Variants in CHCHD5 observed in about 807,000 individuals in gnomAD.
The protein encoded by CHCHD5 is coiled-coil-helix-coiled-coil-helix domain containing 5.
Under a neutral mutation model 16.0 loss-of-function variants are expected in CHCHD5, and 10 were observed. The ratio of observed to expected loss-of-function variants is 0.63; its 90% CI spans 0.39 to 1.06. The LOEUF is 1.06. Ranked by LOEUF, CHCHD5 falls within the 50% of genes least tolerant of loss-of-function variation. The pLI is 0.01. For synonymous variants in CHCHD5, 55 were observed against 56.3 expected, an observed-to-expected ratio of 0.98 and a Z score of 0.10; for missense variants, 163 against 153.4, an observed-to-expected ratio of 1.06 and a Z score of -0.33.
chr2:112,586,742 C>T, intron 3 of CHCHD5: 1 of 763,364 alleles, frequency 1.3e-6, no homozygotes, highest in Non-Finnish European at 2.0e-6. Context: ...CAGGTCCTTG[C>T]TGGGTTCTCT....
intron 1 of CHCHD5, 24 bp downstream of exon 1, chr2:112,584,673 C>A (rs748321651): frequency 6.2e-7 from 1 of 1,613,830 alleles, no homozygotes; most frequent in South Asian, 1.1e-5. Context: ...GCGCCTACCC[C>A]ATACGTGCTG....
At chr2:112,588,654 C>T in intron 3 of CHCHD5, 1 of 556,606 alleles carries the variant, frequency 1.8e-6, no homozygotes, top group Non-Finnish European at 3.2e-6. Flanking sequence ...GGCAGGTGCT[C>T]AGTAAATATA....
Position 112,586,347 on chromosome 2 carries a change from C to T in CHCHD5, c.291C>T (p.Arg97=). The change falls in exon 3 of 4, where the codon CGC becomes CGT. Residue 97 remains arginine (R), a synonymous_variant. Coordinates refer to ENST00000324913, the MANE Select transcript of CHCHD5 (RefSeq NM_032309.4). ...LQCAEQVQPP[R]SPATVEAQPL... ...GCGCTGAGCAGGTGCAGCCGCCACG[C>T]TCACCTGCAACTGTGGAGGTAAGAG... The T allele has an allele frequency of 6.2e-7, 1 of 1,614,248 alleles. No individual in the cohort carries two copies. Among genetic ancestry groups the T allele is most frequent in the East Asian group, 2.2e-5 (1 of 44,894 alleles).
intron 3 of CHCHD5, chr2:112,586,790 T>G: frequency 1.9e-6 from 1 of 540,250 alleles, no homozygotes; most frequent in South Asian, 3.0e-5. Flanking sequence ...GCCTCCTGCC[T>G]CACCCTCTCT....
chr2:112,586,354 G>A lies in CHCHD5; in HGVS notation c.298G>A (p.Ala100Thr). Residue 100 changes from alanine (A) to threonine (T), a missense_variant, in exon 3 of 4, where the codon GCA becomes ACA. Physicochemically the swap from Ala to Thr is moderately conservative, Grantham distance 58. Transcript: ENST00000324913. ...AEQVQPPRSP[A>T]TVEAQPLPAS is the part of the protein sequence containing the mutation. Reference sequence around the variant, plus strand: ...GCAGGTGCAGCCGCCACGCTCACCTGCAACTGTGGAGGTAAGAGGGGCTCA... The same window carrying A: ...GCAGGTGCAGCCGCCACGCTCACCTACAACTGTGGAGGTAAGAGGGGCTCA... The A allele has an allele frequency of 6.2e-7, 1 of 1,614,226 alleles. No individual in the cohort carries two copies. The highest frequency in any genetic ancestry group is 8.5e-7 in the Non-Finnish European group (1 of 1,180,038).
chr2:112,587,759 C>G (rs1180064337), intron 3 of CHCHD5: 1 of 152,238 alleles, frequency 6.6e-6, no homozygotes, highest in African/African-American at 2.4e-5. Flanking sequence ...CCGGAAGGAA[C>G]TTAATTCTCC....
Position 112,586,040 on chromosome 2 carries a change from G to A in CHCHD5, c.69G>A (p.Val23=), listed in dbSNP as rs1363026255. 2.5e-6 allele frequency: 4 copies of A among 1,614,142 alleles called. No homozygotes were observed. The African/African-American group carries it at 4.0e-5, about 16-fold the overall frequency. Residue 23 remains valine, a synonymous_variant, in exon 2 of 4, where the codon GTG becomes GTA. Coordinates refer to ENST00000324913, the MANE Select transcript of CHCHD5 (RefSeq NM_032309.4). ...AGCTGGAGCAGTATGGCCAGTGTGT[G>A]GCGGCCAAGCCGGAATCCTGGCAGC... ...GRELEQYGQC[V]AAKPESWQRD... is the part of the protein sequence containing the mutation.
rs1300588106 is a variant in CHCHD5, at chr2:112,586,112, C to G, written c.141C>G (p.Ser47=). The G allele has an allele frequency of 6.2e-7, 1 of 1,614,118 alleles. No homozygotes were observed. Among genetic ancestry groups the G allele is most frequent in the East Asian group, 2.2e-5 (1 of 44,864 alleles). Reference sequence around the variant, plus strand: ...TGAGCATTGCCCAGTGCACATCCTCCCAGTGAGTGCGGGCAAGTATGAGAC... The same window carrying G: ...TGAGCATTGCCCAGTGCACATCCTCGCAGTGAGTGCGGGCAAGTATGAGAC... ...LKMSIAQCTS[S]HPIIRQIRQA... is the part of the protein sequence containing the mutation. Residue 47 remains serine (S), a splice_region_variant and synonymous_variant, in exon 2 of 4, where the codon TCC becomes TCG. Coordinates refer to ENST00000324913, the MANE Select transcript of CHCHD5 (RefSeq NM_032309.4).
At chr2:112,584,602 G>C, upstream of CHCHD5, 1 of 1,611,842 alleles carries the variant, frequency 6.2e-7, no homozygotes, top group Non-Finnish European at 8.5e-7. Flanking sequence ...ACCGGAAAAG[G>C]CGGGTCGTTC....
chr2:112,586,142 T>TG, intron 2 of CHCHD5, 28 bp downstream of exon 2: 1 of 1,401,898 alleles, frequency 7.1e-7, no homozygotes, highest in Middle Eastern at 1.8e-4. Context: ...TGAGACAGTG[T>TG]GGGGGGTGGG....
chr2:112,584,501 T>A (rs548716501), upstream of CHCHD5: 351 of 972,920 alleles, frequency 3.6e-4, 8 homozygotes, highest in South Asian at 4.8e-3. Context: ...GGCGCCGCCG[T>A]GACAGATTAG....
chr2:112,588,211 A>C (rs1685279615), intron 3 of CHCHD5: 1 of 150,388 alleles, frequency 6.6e-6, no homozygotes, highest in African/African-American at 2.5e-5. Flanking sequence ...AATTGCTTGA[A>C]CCCAGGAGGC....
At chr2:112,586,694 C>G in intron 3 of CHCHD5, 1 of 1,184,654 alleles carries the variant, frequency 8.4e-7, no homozygotes, top group Non-Finnish European at 1.1e-6. Context: ...ATGCTTAAAG[C>G]TCTCCAGTGG....
chr2:112,586,313 T>A lies in CHCHD5; in HGVS notation c.257T>A (p.Phe86Tyr). Residue 86 changes from phenylalanine to tyrosine, a missense_variant, in exon 3 of 4, where the codon TTC becomes TAC. By Grantham distance (22) the Phe-to-Tyr change is conservative. Transcript: ENST00000324913. ...AACTGTGCAGAGCATATGCGCCGCT[T>A]CCTGCAGTGCGCTGAGCAGGTGCAG... ...VGNCAEHMRRFLQCAEQVQPP... is the reference protein window; with the variant it reads ...VGNCAEHMRRYLQCAEQVQPP... The A allele has an allele frequency of 6.2e-7, 1 of 1,614,268 alleles. No individual in the cohort carries two copies. The highest frequency in any genetic ancestry group is 8.5e-7 in the Non-Finnish European group (1 of 1,180,044).
intron 3 of CHCHD5, chr2:112,586,855 C>CA (rs1558673600): frequency 5.2e-6 from 2 of 387,936 alleles, no homozygotes; most frequent in East Asian, 8.1e-5. Flanking sequence ...CTGGGGTGGC[C>CA]AAAAAAAGGT....
chr2:112,588,759 C>A, intron 3 of CHCHD5, 107 bp from the exon 4 acceptor site: 2 of 865,882 alleles, frequency 2.3e-6, no homozygotes, highest in East Asian at 2.4e-5. Flanking sequence ...CACCCTTCTC[C>A]CTCCAGACTG....
Position 112,586,502 on chromosome 2 carries a change from T to C in CHCHD5, c.309+137T>C, listed in dbSNP as rs568160844. The C allele has an allele frequency of 1.4e-5, 22 of 1,553,376 alleles. No individual in the cohort carries two copies. In the East Asian group the frequency reaches 5.1e-4, roughly 36 times the overall value. Reference sequence around the variant, plus strand: ...ACAGGCCTTTGCCATGCATCCAGAATCCAGAACATCATCACTTCTTGCCCC... The same window carrying C: ...ACAGGCCTTTGCCATGCATCCAGAACCCAGAACATCATCACTTCTTGCCCC... On this transcript the variant is annotated intron_variant, in intron 3 of 3. Coordinates refer to ENST00000324913, the MANE Select transcript of CHCHD5 (RefSeq NM_032309.4).
chr2:112,586,814 A>C, intron 3 of CHCHD5: 9 of 458,766 alleles, frequency 2.0e-5, no homozygotes, highest in South Asian at 8.8e-5. Context: ...CTTTCTCACT[A>C]CTCCTCATCT....
intron 1 of CHCHD5, chr2:112,584,989 C>T (rs719668): frequency 0.66 from 232,656 of 354,436 alleles, 80,062 homozygotes; most frequent in Middle Eastern, 0.79. Flanking sequence ...TACACCCATC[C>T]TCAGAGCTCC....
Sources: allele counts gnomAD v4.1 joint callset, GRCh38; gene constraint gnomAD v4.1.1; transcripts MANE v1.5; gene names NCBI Gene and HGNC (gene_info 2026-07-23, HGNC 2026-07-21).